Variants in RILPL2 observed in about 807,000 individuals in gnomAD.
RILPL2 encodes the protein RILP-like protein 2.
In RILPL2, 19 loss-of-function variants were observed where a neutral mutation model predicts 22.2. The ratio of observed to expected loss-of-function variants is 0.86; its 90% confidence interval spans 0.60 to 1.25. RILPL2 has a LOEUF of 1.25. RILPL2 is among the 50% of genes most tolerant of loss of function. The pLI is 0.00. For missense variants in RILPL2, 243 were observed against 263.6 expected (o/e 0.92, Z 0.54); for synonymous variants, 123 against 111.6 (o/e 1.10, Z -0.64).
chr12:123,433,571 T>G (rs1165958406), intron 1 of RILPL2, among the ~76,000 whole-genome samples: 1 of 152,028 alleles, frequency 6.6e-6, no homozygotes, highest in Non-Finnish European at 1.5e-5. Flanking sequence ...TGCCAGCAGG[T>G]CCAGCTAATT....
chr12:123,431,126 C>A (rs1003234087), intron 1 of RILPL2, among the ~76,000 whole-genome samples: 1 of 152,160 alleles, frequency 6.6e-6, no homozygotes, highest in Non-Finnish European at 1.5e-5. Context: ...CTATTTACAG[C>A]AGCCAAGGGG....
chr12:123,430,265 C>T (rs1422290687), intron 2 of RILPL2, among the ~76,000 whole-genome samples: 3 of 151,346 alleles, frequency 2.0e-5, no homozygotes, highest in East Asian at 2.0e-4. Context: ...AAAAATTAGC[C>T]AGGCACGGTG....
At chr12:123,411,100 T>A (rs1009570846), downstream of RILPL2, 1 of 151,976 alleles carries the variant, frequency 6.6e-6, no homozygotes, top group Non-Finnish European at 1.5e-5. Flanking sequence ...TGGAGTGCAG[T>A]GGTGCAATCT....
intron 3 of RILPL2, among the ~76,000 whole-genome samples, chr12:123,417,500 C>T (rs895029158): frequency 1.3e-5 from 2 of 152,112 alleles, no homozygotes; most frequent in Non-Finnish European, 2.9e-5. Flanking sequence ...ATCCACGTGG[C>T]CCTGGGTGAC....
intron 3 of RILPL2, among the ~76,000 whole-genome samples, chr12:123,419,066 AGTGGCAC>A (rs986339715): frequency 6.9e-6 from 1 of 144,204 alleles, no homozygotes; most frequent in Non-Finnish European, 1.5e-5. Context: ...GCTGGAGTGC[AGTGGCAC>A]GATCTCGGCT....
chr12:123,411,326 G>T (rs550512919), downstream of RILPL2: 2 of 151,736 alleles, frequency 1.3e-5, no homozygotes, highest in African/African-American at 4.8e-5. Context: ...ACCGCGCCCA[G>T]CCCTATTTGT....
intron 3 of RILPL2, among the ~76,000 whole-genome samples, chr12:123,421,700 C>T (rs1466481142): frequency 6.9e-6 from 1 of 144,806 alleles, no homozygotes; most frequent in Non-Finnish European, 1.5e-5. Context: ...TTGAGTCTCG[C>T]TCTGTTGCCC....
chr12:123,420,428 T>C (rs540362316), intron 3 of RILPL2, among the ~76,000 whole-genome samples: 1 of 151,538 alleles, frequency 6.6e-6, no homozygotes, highest in Non-Finnish European at 1.5e-5. Context: ...CGTAAGCCAC[T>C]GTGCCCGGCC....
chr12:123,413,966 G>A (rs2139227482), downstream of RILPL2: 1 of 152,470 alleles, frequency 6.6e-6, no homozygotes, highest in South Asian at 2.1e-4. Context: ...TAGATACAGA[G>A]TGCCGATTGG....
the RILPL2 span, chr12:123,409,323 G>T: frequency 6.6e-6 from 1 of 152,530 alleles, no homozygotes; most frequent in Admixed American, 6.5e-5. Context: ...TCATAAAAAT[G>T]AAACAAATTA....
At chr12:123,414,885 C>A (rs944004618), downstream of RILPL2, 1 of 146,244 alleles carries the variant, frequency 6.8e-6, no homozygotes, top group South Asian at 2.1e-4. Flanking sequence ...GAGCCGAGAT[C>A]GTGCCACTGC....
chr12:123,433,630 C>T (rs929886158), intron 1 of RILPL2, among the ~76,000 whole-genome samples: 35 of 151,116 alleles, frequency 2.3e-4, no homozygotes, highest in Middle Eastern at 3.5e-3. Context: ...CAGGCTGGTC[C>T]CAAACTCCTG....
intron 1 of RILPL2, 55 bp from the exon 2 acceptor site, chr12:123,430,714 A>G: frequency 1.4e-5 from 16 of 1,168,838 alleles, no homozygotes; most frequent in Non-Finnish European, 1.7e-5. Context: ...AATTATTATT[A>G]TTATTATTAT....
chr12:123,420,171 C>G (rs944326601), intron 3 of RILPL2, among the ~76,000 whole-genome samples: 1 of 151,834 alleles, frequency 6.6e-6, no homozygotes, highest in African/African-American at 2.4e-5. Context: ...ATTAAAGGAG[C>G]CTGCCACCAT....
Position 123,415,606 on chromosome 12 carries a change from T to A in RILPL2, c.*285A>T, listed in dbSNP as rs1879094823. ...GTCTGCACGCTGGAGGCCCTGGGGG[T>A]TGACATGGGAGCAGGAAGTGGACCC... On this transcript the variant is annotated 3_prime_UTR_variant, in exon 4 of 4. Coordinates refer to ENST00000280571, the MANE Select transcript of RILPL2 (RefSeq NM_145058.3). 3.9e-6 allele frequency: 2 copies of A among 512,344 alleles called. No homozygotes were observed. The highest frequency in any genetic ancestry group is 3.8e-5 in the African/African-American group (2 of 52,098). The allele number at this position is 512,344 out of a possible 1,614,324, so 31.7% of individuals were successfully genotyped here. A position where few individuals can be genotyped will look rare whatever the true frequency, so the allele number is the denominator to read the frequency against.
chr12:123,432,673 C>T (rs2139253504), intron 1 of RILPL2, among the ~76,000 whole-genome samples: 1 of 152,216 alleles, frequency 6.6e-6, no homozygotes, highest in Admixed American at 6.5e-5. Flanking sequence ...TCCACTTTGC[C>T]CCATATGGGA....
At chr12:123,410,976 C>T (rs939344812), downstream of RILPL2, 3 of 152,148 alleles carry the variant, frequency 2.0e-5, no homozygotes, top group African/African-American at 4.8e-5. Context: ...TCATGCCTCA[C>T]CCTCCCACAG....
rs1250032186 is a variant in RILPL2, at chr12:123,436,310, G to A, written c.111C>T (p.Thr37=). 3 of 1,588,858 alleles carry A rather than the reference G, an allele frequency of 1.9e-6. No individual in the cohort carries two copies. The highest frequency in any genetic ancestry group is 2.6e-6 in the Non-Finnish European group (3 of 1,168,068). The part of the protein sequence containing the change: ...GALGKSPFQL[T]AEDVYDISYL... ...AGGAGATGTCATACACGTCCTCGGC[G>A]GTCAGCTGGAAGGGGCTCTTGCCCA... is the stretch of plus-strand genomic sequence containing the variant. The change falls in exon 1 of 4, where the codon ACC becomes ACT. Residue 37 remains threonine, a synonymous_variant. Coordinates refer to ENST00000280571, the MANE Select transcript of RILPL2 (RefSeq NM_145058.3). This position sits in a 1 kb window ranked among gnomAD's most constrained non-coding sequence, Gnocchi z 6.7.
intron 1 of RILPL2, among the ~76,000 whole-genome samples, chr12:123,434,689 G>A (rs1879743712): frequency 6.6e-6 from 1 of 151,746 alleles, no homozygotes; most frequent in Non-Finnish European, 1.5e-5. Context: ...GCCTCCCAAA[G>A]TGCTGGGATT....
Sources: gnomAD v4.1 joint callset for allele counts (sites outside exome capture counted in the v4.1 genomes callset) on GRCh38, gnomAD v4.1.1 for gene constraint, Gnocchi (gnomAD v3.1) non-coding constraint, MANE v1.5 for transcripts, NCBI Gene and HGNC (gene_info 2026-07-23, HGNC 2026-07-21) for gene names.